Variants in KIRREL3 observed in about 807,000 individuals in gnomAD.
KIRREL3 encodes the protein kin of IRRE-like protein 3.
Under a neutral mutation model 89.7 loss-of-function variants are expected in KIRREL3, and 36 were observed. The observed-to-expected ratio is 0.40, with a 90% CI of 0.31 to 0.53. The LOEUF (loss-of-function observed/expected upper bound fraction) is 0.53. Ranked by LOEUF, KIRREL3 falls within the 20% of genes least tolerant of loss-of-function variation. The pLI, the probability that KIRREL3 is intolerant of heterozygous loss-of-function variation, is 0.49. For synonymous variants in KIRREL3, 445 were observed against 441.4 expected, an observed-to-expected ratio of 1.01 and a Z score of -0.10; for missense variants, 864 against 1,056.6, an observed-to-expected ratio of 0.82 and a Z score of 2.53.
At chr11:126,468,010 C>T (rs1402305252) in intron 5 of KIRREL3, among the ~76,000 whole-genome samples, 5 of 152,222 alleles carry the variant, frequency 3.3e-5, no homozygotes, top group Non-Finnish European at 4.4e-5. Context: ...TGGTAAAAGG[C>T]GAGGCCAGTG....
At chr11:126,816,373 G>A (rs1447369397) in intron 1 of KIRREL3, among the ~76,000 whole-genome samples, 1 of 152,196 alleles carries the variant, frequency 6.6e-6, no homozygotes, top group Non-Finnish European at 1.5e-5. Flanking sequence ...GTTTCCTGAA[G>A]TTGAGTGAAG....
In KIRREL3 at chr11:126,651,395, C is replaced by T. The variant is rs892079772; in HGVS notation, c.56-88483G>A. On this transcript the variant is annotated intron_variant, in intron 1 of 16. Transcript: ENST00000525144. The surrounding 1 kb of genome is among the most constrained non-coding windows in gnomAD (Gnocchi z 4.6). ...CTCAAACAGGGACTATTTTTGAGAA[C>T]CATGCATGCTCTTTCCAGATATCAG... 2.0e-5 allele frequency among the ~76,000 whole-genome samples: 3 copies of T among 152,200 alleles called. No individual in the cohort carries two copies. Among genetic ancestry groups the T allele is most frequent in the Non-Finnish European group, 2.9e-5 (2 of 68,034 alleles).
intron 1 of KIRREL3, among the ~76,000 whole-genome samples, chr11:126,962,555 A>G (rs1949125630): frequency 6.6e-6 from 1 of 152,156 alleles, no homozygotes; most frequent in South Asian, 2.1e-4. Context: ...GGTGAAATGT[A>G]CTCTCAGTGC....
chr11:126,491,518 G>A lies in KIRREL3; in HGVS notation c.434-18052C>T, dbSNP rs1435877571. Among the ~76,000 whole-genome samples the A allele has an allele frequency of 6.6e-6, 1 of 152,048 alleles. No individual in the cohort carries two copies. The highest frequency in any genetic ancestry group is 1.5e-5 in the Non-Finnish European group (1 of 68,018). On this transcript the variant is annotated intron_variant, in intron 4 of 16. Coordinates refer to ENST00000525144, the MANE Select transcript of KIRREL3 (RefSeq NM_032531.4). The surrounding 1 kb of genome is among the most constrained non-coding windows in gnomAD (Gnocchi z 5.5). ...TGGACTCCAGTGTTGTCTGTCCCCC[G>A]AGTCGAGGTCTGGGGCAGGTAAGGA...
intron 1 of KIRREL3, among the ~76,000 whole-genome samples, chr11:126,820,906 A>G (rs1467322210): frequency 6.6e-6 from 1 of 152,104 alleles, no homozygotes; most frequent in Admixed American, 6.5e-5. Context: ...GTGAGGACTA[A>G]AGGTTTTATA....
chr11:126,842,363 C>T (rs1943992592), intron 1 of KIRREL3, among the ~76,000 whole-genome samples: 1 of 152,184 alleles, frequency 6.6e-6, no homozygotes, highest in Non-Finnish European at 1.5e-5. Context: ...AACCTCCCTT[C>T]ATATCAAGTC....
In KIRREL3 at chr11:126,490,745, C is replaced by T. The variant is rs1189766903; in HGVS notation, c.434-17279G>A. 6.6e-6 allele frequency among the ~76,000 whole-genome samples: 1 copy of T among 152,194 alleles called. No homozygotes were observed. The highest frequency in any genetic ancestry group is 2.4e-5 in the African/African-American group (1 of 41,458). On this transcript the variant is annotated intron_variant, in intron 4 of 16. Coordinates refer to ENST00000525144, the MANE Select transcript of KIRREL3 (RefSeq NM_032531.4). The surrounding 1 kb of genome is among the most constrained non-coding windows in gnomAD (Gnocchi z 4.2). ...AATGCTCATTCCTTTTCTTGTCTCTCCTCCCTCCTCGTCTCCCAAAGAATG... is the reference window on the plus strand; with the variant it reads ...AATGCTCATTCCTTTTCTTGTCTCTTCTCCCTCCTCGTCTCCCAAAGAATG...
At chr11:126,586,818 G>A (rs1182894052) in intron 1 of KIRREL3, among the ~76,000 whole-genome samples, 1 of 152,004 alleles carries the variant, frequency 6.6e-6, no homozygotes, top group Non-Finnish European at 1.5e-5. Flanking sequence ...TGTTCTGCTG[G>A]GGCCTCCTTG....
rs1222657212 is a variant in KIRREL3, at chr11:126,812,690, G to T, written c.55+187765C>A. On this transcript the variant is annotated intron_variant, in intron 1 of 16. Coordinates refer to ENST00000525144, the MANE Select transcript of KIRREL3 (RefSeq NM_032531.4). The surrounding 1 kb of genome is among the most constrained non-coding windows in gnomAD (Gnocchi z 5.2). Reference sequence around the variant, plus strand: ...GCCTTTGTCCATACAGCACCACACTGGGCGTCAGGGTCCTTTTGTTGGGAT... The same window carrying T: ...GCCTTTGTCCATACAGCACCACACTTGGCGTCAGGGTCCTTTTGTTGGGAT... Among the ~76,000 whole-genome samples the T allele has an allele frequency of 1.3e-5, 2 of 152,168 alleles. No individual in the cohort carries two copies. Among genetic ancestry groups the T allele is most frequent in the Non-Finnish European group, 2.9e-5 (2 of 68,024 alleles).
intron 1 of KIRREL3, among the ~76,000 whole-genome samples, chr11:126,616,700 G>C (rs1333869861): frequency 6.6e-6 from 1 of 152,202 alleles, no homozygotes; most frequent in African/African-American, 2.4e-5. Context: ...GAGGTTTCAT[G>C]GTATGATCAT....
intron 1 of KIRREL3, among the ~76,000 whole-genome samples, chr11:126,822,303 T>C (rs1456344540): frequency 6.6e-6 from 1 of 152,210 alleles, no homozygotes; most frequent in Non-Finnish European, 1.5e-5. Flanking sequence ...GCACATAGAC[T>C]GGCCATGTAG....
rs566851513 is a variant in KIRREL3 at position 126,999,365 on chromosome 11, G to A, written c.55+1090C>T. Among the ~76,000 whole-genome samples the A allele has an allele frequency of 1.3e-5, 2 of 152,310 alleles. No individual in the cohort carries two copies. Among genetic ancestry groups the A allele is most frequent in the Admixed American group, 6.5e-5 (1 of 15,306 alleles). ...TTTTGCTTATATTTGGCTTCTCCCC[G>A]ACAGGGGAGAAACAGAAGACATGCT... is the stretch of plus-strand genomic sequence containing the variant. On this transcript the variant is annotated intron_variant, in intron 1 of 16. Transcript: ENST00000525144. The surrounding 1 kb of genome is among the most constrained non-coding windows in gnomAD (Gnocchi z 5.7).
At chr11:126,762,723 G>A (rs1949703319) in intron 1 of KIRREL3, among the ~76,000 whole-genome samples, 1 of 152,178 alleles carries the variant, frequency 6.6e-6, no homozygotes, top group African/African-American at 2.4e-5. Flanking sequence ...ATGTTGTTAA[G>A]TTGAGCCTTT....
rs909597222 is a variant in KIRREL3, at chr11:126,611,743, G to A, written c.56-48831C>T. Reference sequence around the variant, plus strand: ...CTGCCAAGAACATGGTAGCCTCCCAGAGGCTGTTGGCATGTGGATGCTGCC... The same window carrying A: ...CTGCCAAGAACATGGTAGCCTCCCAAAGGCTGTTGGCATGTGGATGCTGCC... On this transcript the variant is annotated intron_variant, in intron 1 of 16. Coordinates refer to ENST00000525144, the MANE Select transcript of KIRREL3 (RefSeq NM_032531.4). The surrounding 1 kb of genome is among the most constrained non-coding windows in gnomAD (Gnocchi z 4.7). 1.3e-5 allele frequency among the ~76,000 whole-genome samples: 2 copies of A among 152,176 alleles called. No homozygotes were observed. The highest frequency in any genetic ancestry group is 4.8e-5 in the African/African-American group (2 of 41,436).
intron 8 of KIRREL3, among the ~76,000 whole-genome samples, chr11:126,448,563 GC>G (rs1955913882): frequency 6.6e-6 from 1 of 152,214 alleles, no homozygotes; most frequent in South Asian, 2.1e-4. Context: ...AGGAGGAGGA[GC>G]TTTGCAGGGG....
rs578023925 is a variant in KIRREL3, at chr11:126,490,565, T to C, written c.434-17099A>G. Among the ~76,000 whole-genome samples the C allele has an allele frequency of 6.6e-6, 1 of 152,310 alleles. No homozygotes were observed. The highest frequency in any genetic ancestry group is 2.1e-4 in the South Asian group (1 of 4,826). ...TGTGGTGAGACCTGGGAGCGACTCC[T>C]GGACTCCCGGTTCCAGGCTGCATGG... On this transcript the variant is annotated intron_variant, in intron 4 of 16. Coordinates refer to ENST00000525144, the MANE Select transcript of KIRREL3 (RefSeq NM_032531.4). This position sits in a 1 kb window ranked among gnomAD's most constrained non-coding sequence, Gnocchi z 4.2.
Position 126,444,996 on chromosome 11 carries a change from A to G in KIRREL3, c.1235T>C (p.Val412Ala), listed in dbSNP as rs759560016. 6.2e-7 allele frequency: 1 copy of G among 1,613,090 alleles called. No individual in the cohort carries two copies. Among genetic ancestry groups the G allele is most frequent in the South Asian group, 1.1e-5 (1 of 91,040 alleles). Reference protein sequence around the residue: ...VPRVGAGEREVTLTVNGPPII... With the variant: ...VPRVGAGEREATLTVNGPPII... ...GGTCTTACCATTGACGGTCAGGGTC[A>G]CCTCTCTCTCCCCGGCTCCCACACG... is the stretch of plus-strand genomic sequence containing the variant. Residue 412 changes from valine to alanine, a missense_variant, in exon 10 of 17, where the codon GTG becomes GCG. Physicochemically the swap from Val to Ala is moderately conservative, Grantham distance 64. Transcript: ENST00000525144.
At chr11:126,730,864 G>A (rs1452027345) in intron 1 of KIRREL3, among the ~76,000 whole-genome samples, 6 of 151,864 alleles carry the variant, frequency 4.0e-5, no homozygotes, top group South Asian at 4.2e-4. Flanking sequence ...TCAGCCTCCC[G>A]AGTAGCTGGG....
rs1224673521 is a variant in KIRREL3 at position 126,651,409 on chromosome 11, T to G, written c.56-88497A>C. ...ATTTTTGAGAACCATGCATGCTCTT[T>G]CCAGATATCAGTGGACAGCATCCAG... On this transcript the variant is annotated intron_variant, in intron 1 of 16. Transcript: ENST00000525144. This position sits in a 1 kb window ranked among gnomAD's most constrained non-coding sequence, Gnocchi z 4.6. Among the ~76,000 whole-genome samples the G allele has an allele frequency of 6.6e-6, 1 of 152,202 alleles. No individual in the cohort carries two copies. Among genetic ancestry groups the G allele is most frequent in the Non-Finnish European group, 1.5e-5 (1 of 68,038 alleles).
Sources: allele counts gnomAD v4.1 joint callset (sites outside exome capture counted in the v4.1 genomes callset), GRCh38; gene constraint gnomAD v4.1.1; non-coding constraint Gnocchi (gnomAD v3.1); transcripts MANE v1.5; gene names NCBI Gene and HGNC (gene_info 2026-07-23, HGNC 2026-07-21).